LRMDA: variants seen among roughly 807,000 people sequenced by gnomAD.
LRMDA encodes the protein leucine rich melanocyte differentiation associated, also known as leucine-rich melanocyte differentiation-associated protein.
LRMDA carries 18 observed loss-of-function variants against 29.8 expected under a neutral mutation model. That is an observed-to-expected ratio of 0.60 (90% CI 0.42 to 0.90). The LOEUF is 0.90. Among genes scored for constraint, LRMDA ranks in the 40% least tolerant of loss-of-function variants. The pLI is 0.00. For synonymous variants in LRMDA, 125 were observed against 109.4 expected (o/e 1.14, Z -0.89); for missense variants, 273 against 273.9 (o/e 1.00, Z 0.02).
chr10:76,133,272 G>A (rs1564661605), intron 5 of LRMDA, among the ~76,000 whole-genome samples: 1 of 151,392 alleles, frequency 6.6e-6, no homozygotes, highest in African/African-American at 2.4e-5. Flanking sequence ...TATTTCGTGT[G>A]TGTGTGTGTG....
At chr10:75,526,662 G>A (rs2132040272) in intron 2 of LRMDA, among the ~76,000 whole-genome samples, 1 of 151,942 alleles carries the variant, frequency 6.6e-6, no homozygotes, top group African/African-American at 2.4e-5. Flanking sequence ...AGACCAGCCT[G>A]GACAACATAG....
At chr10:75,699,022 G>A (rs958937181) in intron 2 of LRMDA, among the ~76,000 whole-genome samples, 1 of 152,200 alleles carries the variant, frequency 6.6e-6, no homozygotes, top group Non-Finnish European at 1.5e-5. Flanking sequence ...CCAACATAGT[G>A]AAACTCCATC....
chr10:75,440,327 G>A (rs1035496961), intron 2 of LRMDA, among the ~76,000 whole-genome samples: 4 of 151,408 alleles, frequency 2.6e-5, no homozygotes, highest in African/African-American at 7.3e-5. Context: ...AGACATTTCT[G>A]TAGTGTTGAG....
chr10:76,289,765 T>G (rs1156569295), intron 5 of LRMDA, among the ~76,000 whole-genome samples: 2 of 152,218 alleles, frequency 1.3e-5, no homozygotes, highest in Admixed American at 1.3e-4. Flanking sequence ...ATTGTCCTGA[T>G]GAATTGCCCT....
At chr10:75,816,402 C>A (rs537684986) in intron 2 of LRMDA, among the ~76,000 whole-genome samples, 5 of 152,116 alleles carry the variant, frequency 3.3e-5, no homozygotes, top group Non-Finnish European at 5.9e-5. Context: ...CCAGAGAAGA[C>A]GAGCATCCTG....
intron 2 of LRMDA, among the ~76,000 whole-genome samples, chr10:75,550,185 C>T (rs562689683): frequency 6.6e-6 from 1 of 152,188 alleles, no homozygotes; most frequent in African/African-American, 2.4e-5. Flanking sequence ...TGGTTGGAAT[C>T]GTCTATAGAT....
intron 2 of LRMDA, among the ~76,000 whole-genome samples, chr10:75,804,591 T>C (rs947008029): frequency 6.6e-6 from 1 of 152,250 alleles, no homozygotes; most frequent in Admixed American, 6.5e-5. Context: ...TGGCCCTGGC[T>C]GAGGGCTCCT....
chr10:76,382,170 T>C (rs1375462554), intron 6 of LRMDA, among the ~76,000 whole-genome samples: 1 of 152,160 alleles, frequency 6.6e-6, no homozygotes, highest in Non-Finnish European at 1.5e-5. Flanking sequence ...TTAAAACACA[T>C]AGACACACTC....
rs184321595 is a variant in LRMDA at position 76,143,239 on chromosome 10, T to C, written c.516+84456T>C. 1.8e-3 allele frequency among the ~76,000 whole-genome samples: 267 copies of C among 152,324 alleles called. 1 individual carries two copies. Among genetic ancestry groups the C allele is most frequent in the African/African-American group, 6.0e-3 (251 of 41,568 alleles). ...GGATGGCTGGGTCAAATGGCATTTC[T>C]AGTTCTAGATCCCTGAGAAATCGCC... is the stretch of plus-strand genomic sequence containing the variant. On this transcript the variant is annotated intron_variant, in intron 5 of 6. Coordinates refer to ENST00000611255, the MANE Select transcript of LRMDA (RefSeq NM_001305581.2).
At chr10:76,070,843 G>T (rs143435002) in intron 5 of LRMDA, among the ~76,000 whole-genome samples, 1 of 152,146 alleles carries the variant, frequency 6.6e-6, no homozygotes, top group Non-Finnish European at 1.5e-5. Flanking sequence ...CTCAGCCACC[G>T]CACGAGACCC....
intron 2 of LRMDA, among the ~76,000 whole-genome samples, chr10:75,754,419 A>G (rs1843004688): frequency 1.3e-5 from 2 of 152,170 alleles, no homozygotes; most frequent in Non-Finnish European, 2.9e-5. Flanking sequence ...TGAGCAGTGG[A>G]TATTTTTTCT....
At chr10:76,088,319 A>G (rs1203500101) in intron 5 of LRMDA, among the ~76,000 whole-genome samples, 4 of 152,174 alleles carry the variant, frequency 2.6e-5, no homozygotes, top group Non-Finnish European at 5.9e-5. Flanking sequence ...TGAGTGAGGA[A>G]TGCTCTCCCT....
At chr10:76,478,709 A>G (rs1239009224) in intron 6 of LRMDA, among the ~76,000 whole-genome samples, 4 of 152,072 alleles carry the variant, frequency 2.6e-5, no homozygotes, top group African/African-American at 4.8e-5. Context: ...ATGGAATACT[A>G]TGCAGCCATA....
intron 6 of LRMDA, among the ~76,000 whole-genome samples, chr10:76,550,878 T>C (rs1242369153): frequency 6.6e-6 from 1 of 152,212 alleles, no homozygotes; most frequent in African/African-American, 2.4e-5. Context: ...TACACTGAAG[T>C]AGGATGTTGT....
intron 2 of LRMDA, among the ~76,000 whole-genome samples, chr10:75,903,961 A>C (rs1204972343): frequency 6.6e-6 from 1 of 152,224 alleles, no homozygotes; most frequent in Non-Finnish European, 1.5e-5. Context: ...TGTGATGAAA[A>C]GCAAAAGAAA....
intron 5 of LRMDA, among the ~76,000 whole-genome samples, chr10:76,059,807 T>C (rs1898063): frequency 0.39 from 59,510 of 152,104 alleles, 12,516 homozygotes; most frequent in Non-Finnish European, 0.45. Context: ...TTTCTTTCCC[T>C]GAATCCATGA....
intron 5 of LRMDA, among the ~76,000 whole-genome samples, chr10:76,308,807 T>C (rs1188435321): frequency 6.6e-6 from 1 of 152,204 alleles, no homozygotes; most frequent in Non-Finnish European, 1.5e-5. Context: ...TCTAAGTCAC[T>C]TGGCCTGGTG....
chr10:75,447,442 C>T (rs1844408181), intron 2 of LRMDA, among the ~76,000 whole-genome samples: 1 of 152,084 alleles, frequency 6.6e-6, no homozygotes, highest in African/African-American at 2.4e-5. Context: ...AGGAGAATTC[C>T]TTGAACCCAG....
intron 6 of LRMDA, among the ~76,000 whole-genome samples, chr10:76,532,052 G>C (rs879625848): frequency 2.0e-5 from 3 of 151,972 alleles, no homozygotes; most frequent in Admixed American, 1.3e-4. Context: ...TCTACTTTAA[G>C]TTCTGGGGTA....
Sources: gnomAD v4.1 joint callset for allele counts (sites outside exome capture counted in the v4.1 genomes callset) on GRCh38, gnomAD v4.1.1 for gene constraint, MANE v1.5 for transcripts, NCBI Gene and HGNC (gene_info 2026-07-23, HGNC 2026-07-21) for gene names.